The following MRPS31 variants were observed in gnomAD, a reference collection of about 807,000 sequenced individuals.
MRPS31 encodes small ribosomal subunit protein mS31.
Under a neutral mutation model 43.1 loss-of-function variants are expected in MRPS31, and 32 were observed. That is an observed-to-expected ratio of 0.74 (90% CI 0.56 to 1.00). The LOEUF (loss-of-function observed/expected upper bound fraction) is 1.00, where lower values mean the gene tolerates loss of function less well. MRPS31 is among the 50% of genes least tolerant of loss of function. The pLI is 0.00. For missense variants in MRPS31, 437 were observed against 466.7 expected (o/e 0.94, Z 0.59); for synonymous variants, 165 against 161.6 (o/e 1.02, Z -0.16).
intron 1 of MRPS31, among the ~76,000 whole-genome samples, chr13:40,769,373 C>T (rs1309339780): frequency 6.1e-5 from 4 of 65,634 alleles, no homozygotes; most frequent in Non-Finnish European, 1.4e-4. Context: ...AGACTCTGTC[C>T]ATATATATAT....
chr13:40,771,161 A>C lies in MRPS31; in HGVS notation c.-25T>G, dbSNP rs780085749. The C allele has an allele frequency of 1.9e-6, 3 of 1,580,250 alleles. No homozygotes were observed. The highest frequency in any genetic ancestry group is 2.6e-6 in the Non-Finnish European group (3 of 1,160,794). ...TCGCCGAGACACGAAATGAACCAAG[A>C]ACACAACTGAAATGGTGCGTCCCGC... On this transcript the variant is annotated 5_prime_UTR_variant, in exon 1 of 7. Coordinates refer to ENST00000323563, the MANE Select transcript of MRPS31 (RefSeq NM_005830.4).
At chr13:40,750,742 T>TTATATATATATA (rs66521234) in intron 5 of MRPS31, among the ~76,000 whole-genome samples, 258 of 130,810 alleles carry the variant, frequency 2.0e-3, no homozygotes, top group East Asian at 7.4e-3. Flanking sequence ...GTATCCCATT[T>TTATATATATATA]TATATATATA....
At chr13:40,764,241 C>T (rs1478646751) in intron 2 of MRPS31, among the ~76,000 whole-genome samples, 2 of 152,192 alleles carry the variant, frequency 1.3e-5, no homozygotes, top group Non-Finnish European at 1.5e-5. Flanking sequence ...AGGATGGATG[C>T]ACAAGCCCCT....
chr13:40,737,359 C>T (rs1182229530), intron 6 of MRPS31, among the ~76,000 whole-genome samples: 2 of 152,078 alleles, frequency 1.3e-5, no homozygotes, highest in African/African-American at 2.4e-5. Flanking sequence ...CCACTGTCAA[C>T]ATTAGACAGA....
At chr13:40,765,543 T>A (rs180707548) in intron 2 of MRPS31, among the ~76,000 whole-genome samples, 30 of 152,168 alleles carry the variant, frequency 2.0e-4, no homozygotes, top group African/African-American at 7.2e-4. Flanking sequence ...TCCATATACT[T>A]ATATATAACC....
chr13:40,763,559 A>G (rs1485524613), intron 2 of MRPS31, among the ~76,000 whole-genome samples: 1 of 152,134 alleles, frequency 6.6e-6, no homozygotes, highest in Non-Finnish European at 1.5e-5. Flanking sequence ...AATGTTGCCT[A>G]TAGTATAGCT....
chr13:40,761,625 C>T (rs1880697680), intron 2 of MRPS31, among the ~76,000 whole-genome samples: 1 of 152,134 alleles, frequency 6.6e-6, no homozygotes, highest in South Asian at 2.1e-4. Flanking sequence ...GTAAGGAGAA[C>T]TTGTTAAAGT....
chr13:40,767,248 C>T (rs905226860), intron 1 of MRPS31, among the ~76,000 whole-genome samples: 10 of 151,864 alleles, frequency 6.6e-5, no homozygotes, highest in African/African-American at 2.4e-4. Flanking sequence ...AACCCCGCCT[C>T]CAGGGTTCAA....
rs10459371 is a variant in MRPS31 at position 40,733,653 on chromosome 13, C to T, written c.959-4052G>A. 2.1e-3 allele frequency among the ~76,000 whole-genome samples: 322 copies of T among 152,092 alleles called. 4 individuals carry two copies. The East Asian group carries it at 0.047, about 22-fold the overall frequency. On this transcript the variant is annotated intron_variant, in intron 6 of 6. Coordinates refer to ENST00000323563, the MANE Select transcript of MRPS31 (RefSeq NM_005830.4). Reference sequence around the variant, plus strand: ...TCTAGGATAAGAATGGAAAAAATGGCAAAAGCATTCTCAACAACATAAGAC... The same window carrying T: ...TCTAGGATAAGAATGGAAAAAATGGTAAAAGCATTCTCAACAACATAAGAC...
Position 40,758,076 on chromosome 13 carries a change from G to A in MRPS31, c.599+872C>T, listed in dbSNP as rs562762529. 3.1e-3 allele frequency among the ~76,000 whole-genome samples: 475 copies of A among 151,228 alleles called. 3 individuals carry two copies. Among genetic ancestry groups the A allele is most frequent in the African/African-American group, 0.011 (446 of 41,158 alleles). On this transcript the variant is annotated intron_variant, in intron 3 of 6. Transcript: ENST00000323563. ...GAGAATGGCGTGAACCGGGGAGGCG[G>A]AGCCTGCAGTGAGCCGAGATCGCGC...
At chr13:40,758,361 T>G (rs1880594609) in intron 3 of MRPS31, among the ~76,000 whole-genome samples, 1 of 152,194 alleles carries the variant, frequency 6.6e-6, no homozygotes, top group South Asian at 2.1e-4. Flanking sequence ...ACATGGCCAT[T>G]TCTTTTAATT....
At chr13:40,729,656 C>A (rs1359383591) in intron 6 of MRPS31, 55 bp from the exon 7 acceptor site, 2 of 1,131,448 alleles carry the variant, frequency 1.8e-6, no homozygotes, top group African/African-American at 1.6e-5. Flanking sequence ...AAACCTACAT[C>A]ATAAAAATAA....
chr13:40,733,290 C>T (rs1879763859), intron 6 of MRPS31, among the ~76,000 whole-genome samples: 1 of 152,032 alleles, frequency 6.6e-6, no homozygotes, highest in Non-Finnish European at 1.5e-5. Flanking sequence ...AGGTGTGAGC[C>T]ACCGCGCCCA....
intron 6 of MRPS31, among the ~76,000 whole-genome samples, chr13:40,739,354 C>T (rs1200382938): frequency 2.0e-5 from 3 of 152,246 alleles, no homozygotes; most frequent in South Asian, 2.1e-4. Context: ...GTGAAAATGG[C>T]CATACTGCCC....
intron 6 of MRPS31, among the ~76,000 whole-genome samples, chr13:40,740,105 C>A (rs931380521): frequency 2.7e-5 from 4 of 150,538 alleles, no homozygotes; most frequent in African/African-American, 7.4e-5. Context: ...AAAAAACAAC[C>A]CCATCAAAAA....
intron 6 of MRPS31, among the ~76,000 whole-genome samples, chr13:40,735,181 C>G (rs1303780799): frequency 6.6e-6 from 1 of 152,194 alleles, no homozygotes; most frequent in African/African-American, 2.4e-5. Context: ...CGGACGGCAC[C>G]TGGAAAATCG....
chr13:40,736,141 C>A (rs1242564182), intron 6 of MRPS31, among the ~76,000 whole-genome samples: 2 of 150,060 alleles, frequency 1.3e-5, no homozygotes, highest in African/African-American at 4.9e-5. Context: ...AATGCAGAAG[C>A]CTCAGGAGCC....
intron 6 of MRPS31, among the ~76,000 whole-genome samples, chr13:40,748,368 G>C (rs1279910620): frequency 6.6e-6 from 1 of 152,214 alleles, no homozygotes; most frequent in Non-Finnish European, 1.5e-5. Flanking sequence ...TGTTGGTCAG[G>C]CTGGTCTCGA....
intron 4 of MRPS31, among the ~76,000 whole-genome samples, chr13:40,756,448 G>A (rs1333047900): frequency 2.0e-5 from 3 of 152,074 alleles, no homozygotes; most frequent in South Asian, 2.1e-4. Flanking sequence ...TCTCATTGAT[G>A]GTGGGTTATT....
Sources: gnomAD v4.1 joint callset for allele counts (sites outside exome capture counted in the v4.1 genomes callset) on GRCh38, gnomAD v4.1.1 for gene constraint, MANE v1.5 for transcripts, NCBI Gene and HGNC (gene_info 2026-07-23, HGNC 2026-07-21) for gene names.